The following SCAPER variants were observed in gnomAD, a reference collection of about 807,000 sequenced individuals.
SCAPER encodes S-phase cyclin A associated protein in the ER.
SCAPER carries 98 observed loss-of-function variants against 182.2 expected under a neutral mutation model. The ratio of observed to expected loss-of-function variants is 0.54; its 90% CI spans 0.46 to 0.64. The LOEUF is 0.64. Among genes scored for constraint, SCAPER ranks in the 30% least tolerant of loss-of-function variants. The pLI is 0.00. For synonymous variants in SCAPER, 605 were observed against 564.6 expected (o/e 1.07, Z -1.01); for missense variants, 1,432 against 1,690.0 (o/e 0.85, Z 2.68).
At chr15:76,528,281 A>G (rs958205845) in intron 23 of SCAPER, among the ~76,000 whole-genome samples, 4 of 152,128 alleles carry the variant, frequency 2.6e-5, no homozygotes, top group Admixed American at 6.6e-5. Context: ...TCTTCATTCT[A>G]TAGATTATCA....
intron 21 of SCAPER, among the ~76,000 whole-genome samples, chr15:76,629,313 GAGA>G (rs2052880408): frequency 6.6e-6 from 1 of 152,232 alleles, no homozygotes; most frequent in African/African-American, 2.4e-5. Context: ...GGAGTGGTGA[GAGA>G]AGCCATCCTT....
chr15:76,433,162 T>C (rs1185124524), intron 26 of SCAPER, among the ~76,000 whole-genome samples: 1 of 152,158 alleles, frequency 6.6e-6, no homozygotes, highest in African/African-American at 2.4e-5. Flanking sequence ...AGAGTTGACA[T>C]CAAGAAACTT....
At chr15:76,458,895 T>C (rs1221661264) in intron 25 of SCAPER, among the ~76,000 whole-genome samples, 1 of 151,438 alleles carries the variant, frequency 6.6e-6, no homozygotes, top group Non-Finnish European at 1.5e-5. Context: ...GATCAACTTA[T>C]TTATTTATTT....
At chr15:76,496,195 T>C (rs545948465) in intron 24 of SCAPER, among the ~76,000 whole-genome samples, 56 of 151,344 alleles carry the variant, frequency 3.7e-4, no homozygotes, top group African/African-American at 1.3e-3. Flanking sequence ...AGGAAAATCA[T>C]TGGTGAAATG....
At chr15:76,901,253 A>G (rs551608426) in intron 1 of SCAPER, among the ~76,000 whole-genome samples, 1 of 152,338 alleles carries the variant, frequency 6.6e-6, no homozygotes, top group South Asian at 2.1e-4. Flanking sequence ...AGTAATTTGA[A>G]GAGCAATATA....
chr15:76,756,551 T>C (rs2062446157), intron 14 of SCAPER, among the ~76,000 whole-genome samples: 1 of 152,148 alleles, frequency 6.6e-6, no homozygotes, highest in Non-Finnish European at 1.5e-5. Flanking sequence ...CACTCCATGC[T>C]GGGAGACAGA....
chr15:76,836,303 A>G (rs750526598), intron 5 of SCAPER, among the ~76,000 whole-genome samples: 2 of 152,136 alleles, frequency 1.3e-5, no homozygotes, highest in Non-Finnish European at 2.9e-5. Flanking sequence ...GAGGCAGAAC[A>G]CTACTCCACT....
intron 22 of SCAPER, among the ~76,000 whole-genome samples, chr15:76,588,072 C>T (rs1308164268): frequency 6.6e-6 from 1 of 152,156 alleles, no homozygotes; most frequent in East Asian, 1.9e-4. Context: ...CAAGCGCCCA[C>T]CACCATGCCT....
At position 76,728,716 on chromosome 15, in the gene SCAPER, C is replaced by A; in HGVS notation, c.2044G>T (p.Ala682Ser). 6.2e-7 allele frequency: 1 copy of A among 1,613,186 alleles called. No individual in the cohort carries two copies. The highest frequency in any genetic ancestry group is 8.5e-7 in the Non-Finnish European group (1 of 1,179,524). Residue 682 changes from alanine (A) to serine (S), a missense_variant, in exon 17 of 32, where the codon GCA becomes TCA. Around this residue, in one of 5 missense-constraint regions of SCAPER, gnomAD observed 88 missense variants for 184.2 expected, o/e 0.48. Coordinates refer to ENST00000563290, the MANE Select transcript of SCAPER (RefSeq NM_020843.4). ...TCTTCTACACGGGCCTGCCGCTCTG[C>A]CTCTAGAGCTCTCTTGCGTTCCTAA... is the stretch of plus-strand genomic sequence containing the variant. The part of the protein sequence containing the change: ...AVQERKRALE[A>S]ERQARVEELL...
chr15:76,741,243 T>G (rs1431841101), intron 15 of SCAPER, among the ~76,000 whole-genome samples: 3 of 152,164 alleles, frequency 2.0e-5, no homozygotes, highest in Non-Finnish European at 4.4e-5. Flanking sequence ...TCTGAAACAG[T>G]GTCTACCTAA....
chr15:76,469,730 C>G (rs1033737416), intron 25 of SCAPER, among the ~76,000 whole-genome samples: 2 of 152,260 alleles, frequency 1.3e-5, no homozygotes. Context: ...GTCAACCTCT[C>G]TGGGACTCAA....
intron 23 of SCAPER, among the ~76,000 whole-genome samples, chr15:76,508,485 C>A (rs893513570): frequency 2.0e-5 from 3 of 152,142 alleles, no homozygotes; most frequent in African/African-American, 7.2e-5. Context: ...TATGGCCAAA[C>A]AGCTTTCTAA....
chr15:76,461,059 GT>G (rs1446634784), intron 25 of SCAPER, among the ~76,000 whole-genome samples: 9 of 151,970 alleles, frequency 5.9e-5, no homozygotes, highest in Non-Finnish European at 1.3e-4. Context: ...CCTCTAATAT[GT>G]TTTTCAGTCT....
At position 76,841,897 on chromosome 15, in the gene SCAPER, G is replaced by A. The variant is rs61738376; in HGVS notation, c.230C>T (p.Thr77Met). 256 of 1,613,762 alleles carry A rather than the reference G, an allele frequency of 1.6e-4. 1 individual carries two copies. In the African/African-American group the frequency reaches 2.9e-3, roughly 18 times the overall value. Residue 77 changes from threonine (T) to methionine (M), a missense_variant, in exon 5 of 32, where the codon ACG (threonine) becomes ATG (methionine). Around this residue, in one of 5 missense-constraint regions of SCAPER, gnomAD observed 480 missense variants for 510.2 expected, o/e 0.94. Coordinates refer to ENST00000563290, the MANE Select transcript of SCAPER (RefSeq NM_020843.4). ...TTTATCAAAGTGTTTATCTCCAGTC[G>A]TAGACGATGTTATTTTACAGTCCAC... Reference protein sequence around the residue: ...TAVDCKITSSTTGDKHFDKSP... With the variant: ...TAVDCKITSSMTGDKHFDKSP...
chr15:76,752,806 A>C (rs2062173587), intron 15 of SCAPER, among the ~76,000 whole-genome samples: 1 of 151,750 alleles, frequency 6.6e-6, no homozygotes, highest in Admixed American at 6.6e-5. Context: ...CATGGTGGTG[A>C]TGACTGCATA....
intron 21 of SCAPER, among the ~76,000 whole-genome samples, chr15:76,649,615 G>A (rs1445910916): frequency 6.8e-6 from 1 of 147,168 alleles, no homozygotes; most frequent in Non-Finnish European, 1.5e-5. Flanking sequence ...ATATACAGCA[G>A]AAAAGAAAAA....
rs554155835 is a variant in SCAPER, at chr15:76,736,221, T to C, written c.1867-2837A>G. On this transcript the variant is annotated intron_variant, in intron 15 of 31. Transcript: ENST00000563290. ...TACGCACCTTAATTCTAAAACACTT[T>C]TTCTAAAAAATGCTAATGAACATTC... Among the ~76,000 whole-genome samples, 16 of 152,358 alleles carry C rather than the reference T, an allele frequency of 1.1e-4. No homozygotes were observed. The East Asian group carries it at 2.9e-3, about 28-fold the overall frequency.
At chr15:76,592,292 T>C (rs1034628840) in intron 22 of SCAPER, among the ~76,000 whole-genome samples, 2 of 63,540 alleles carry the variant, frequency 3.1e-5, no homozygotes, top group African/African-American at 6.3e-5. Context: ...TGACTTTATG[T>C]AATTGTTAAA....
chr15:76,545,807 G>A (rs2045229813), intron 23 of SCAPER, among the ~76,000 whole-genome samples: 1 of 152,140 alleles, frequency 6.6e-6, no homozygotes, highest in South Asian at 2.1e-4. Context: ...TACCAGAAAA[G>A]ATGGAGCAAC....
Sources: gnomAD v4.1 joint callset for allele counts (sites outside exome capture counted in the v4.1 genomes callset) on GRCh38, gnomAD v4.1.1 for gene constraint, gnomAD v4.1.1 regional missense constraint, MANE v1.5 for transcripts, NCBI Gene and HGNC (gene_info 2026-07-23, HGNC 2026-07-21) for gene names.